The following C2CD5 variants were observed in gnomAD, a reference collection of about 807,000 sequenced individuals.
C2CD5 encodes the protein C2 calcium dependent domain containing 5.
A neutral mutation model predicts 130.3 loss-of-function variants in C2CD5; 109 were observed. That is an observed-to-expected ratio of 0.84 (90% CI 0.72 to 0.98). The LOEUF is 0.98. Ranked by LOEUF, C2CD5 falls within the 50% of genes least tolerant of loss-of-function variation. The pLI is 0.00. For synonymous variants in C2CD5, 454 were observed against 429.2 expected, an observed-to-expected ratio of 1.06 and a Z score of -0.71; for missense variants, 996 against 1,261.8, an observed-to-expected ratio of 0.79 and a Z score of 3.19.
chr12:22,505,857 T>C (rs1948459332), intron 10 of C2CD5, among the ~76,000 whole-genome samples: 1 of 150,264 alleles, frequency 6.7e-6, no homozygotes, highest in Admixed American at 6.7e-5. Context: ...GACCAGATGT[T>C]AGTTTGCTCA....
At chr12:22,481,290 T>C (rs1217558393) in intron 14 of C2CD5, among the ~76,000 whole-genome samples, 2 of 152,126 alleles carry the variant, frequency 1.3e-5, no homozygotes, top group East Asian at 1.9e-4. Flanking sequence ...TACAAATGTA[T>C]AGAGACAAAA....
At chr12:22,500,905 A>G (rs1947692265) in intron 10 of C2CD5, among the ~76,000 whole-genome samples, 1 of 152,202 alleles carries the variant, frequency 6.6e-6, no homozygotes, top group African/African-American at 2.4e-5. Context: ...AGTGTAAATG[A>G]GCAATTCTAG....
chr12:22,494,211 C>T (rs867705948), intron 10 of C2CD5, among the ~76,000 whole-genome samples: 1 of 151,006 alleles, frequency 6.6e-6, no homozygotes, highest in Non-Finnish European at 1.5e-5. Context: ...CTATAATTAG[C>T]ATATCATAAT....
intron 22 of C2CD5, 121 bp from the exon 23 acceptor site, chr12:22,459,663 T>G (rs991295179): frequency 1.9e-6 from 1 of 534,448 alleles, no homozygotes; most frequent in African/African-American, 1.9e-5. Flanking sequence ...ATGGCTTCAT[T>G]GCAAAAGCAA....
chr12:22,462,068 G>A (rs906054030), intron 22 of C2CD5, among the ~76,000 whole-genome samples: 9 of 152,228 alleles, frequency 5.9e-5, no homozygotes, highest in African/African-American at 2.2e-4. Context: ...CTTTTCAAAA[G>A]AGAAGGTACT....
intron 15 of C2CD5, among the ~76,000 whole-genome samples, chr12:22,477,753 G>A (rs1383555307): frequency 6.6e-6 from 1 of 152,002 alleles, no homozygotes; most frequent in African/African-American, 2.4e-5. Flanking sequence ...TTGGTAAAAA[G>A]ACTGATTAAA....
chr12:22,533,733 C>G (rs1014352501), intron 3 of C2CD5, among the ~76,000 whole-genome samples: 1 of 152,180 alleles, frequency 6.6e-6, no homozygotes, highest in Non-Finnish European at 1.5e-5. Context: ...GGGAGGCTCT[C>G]CTTTTGGAGA....
At chr12:22,518,159 A>G (rs1474614957) in intron 7 of C2CD5, 22 bp from the exon 8 acceptor site, 1 of 1,611,606 alleles carries the variant, frequency 6.2e-7, no homozygotes, top group Non-Finnish European at 8.5e-7. Context: ...AGGTGGAGAA[A>G]TATTAAGTAA....
At chr12:22,532,628 G>A (rs975371475) in intron 3 of C2CD5, among the ~76,000 whole-genome samples, 5 of 152,124 alleles carry the variant, frequency 3.3e-5, no homozygotes, top group East Asian at 1.9e-4. Flanking sequence ...GAAAGATCAC[G>A]GTCCTAATAT....
chr12:22,505,860 T>A (rs948896983), intron 10 of C2CD5, among the ~76,000 whole-genome samples: 1 of 150,210 alleles, frequency 6.7e-6, no homozygotes, highest in Admixed American at 6.7e-5. Context: ...CAGATGTTAG[T>A]TTGCTCATCT....
At position 22,538,194 on chromosome 12, in the gene C2CD5, T is replaced by C. The variant is rs1311603320; in HGVS notation, c.91-2850A>G. On this transcript the variant is annotated intron_variant, in intron 2 of 26. Coordinates refer to ENST00000446597, the MANE Select transcript of C2CD5 (RefSeq NM_001286176.2). ...CTTCTTTGTGTAAAAGTCAACTGTT[T>C]AGTCATCTTTTTTTGCATAAGCCAC... 3.3e-5 allele frequency among the ~76,000 whole-genome samples: 5 copies of C among 152,234 alleles called. No homozygotes were observed. The East Asian group carries it at 5.8e-4, about 18-fold the overall frequency.
intron 3 of C2CD5, among the ~76,000 whole-genome samples, chr12:22,532,364 T>C (rs1293236362): frequency 1.3e-5 from 2 of 151,816 alleles, no homozygotes; most frequent in African/African-American, 4.8e-5. Flanking sequence ...TATTATTCTC[T>C]TTTTTTTGAC....
chr12:22,512,669 G>A (rs748589663), intron 9 of C2CD5: 1 of 1,499,032 alleles, frequency 6.7e-7, no homozygotes, highest in Middle Eastern at 1.7e-4. Flanking sequence ...GAACCTATGA[G>A]GCGATCCTCC....
At chr12:22,537,476 C>T (rs1951931662) in intron 2 of C2CD5, among the ~76,000 whole-genome samples, 1 of 152,092 alleles carries the variant, frequency 6.6e-6, no homozygotes, top group Admixed American at 6.5e-5. Flanking sequence ...GATTTCCACT[C>T]TAGTACAGAA....
intron 11 of C2CD5, 135 bp from the exon 12 acceptor site, chr12:22,490,353 C>T (rs1254785401): frequency 2.0e-5 from 10 of 502,530 alleles, no homozygotes; most frequent in East Asian, 6.5e-5. Flanking sequence ...ATAATATTTA[C>T]GAGGTTTACC....
At chr12:22,456,165 C>T (rs1394219342) in intron 25 of C2CD5, among the ~76,000 whole-genome samples, 2 of 152,132 alleles carry the variant, frequency 1.3e-5, no homozygotes, top group Non-Finnish European at 2.9e-5. Flanking sequence ...TATAGAAATA[C>T]TGCTGGTGAA....
At chr12:22,459,679 A>G (rs1940708574) in intron 22 of C2CD5, 137 bp from the exon 23 acceptor site, 1 of 501,588 alleles carries the variant, frequency 2.0e-6, no homozygotes, top group Non-Finnish European at 3.5e-6. Flanking sequence ...AGCAAACCAA[A>G]TAAAAGCATC....
intron 7 of C2CD5, among the ~76,000 whole-genome samples, chr12:22,518,402 T>C (rs1422716230): frequency 4.0e-5 from 6 of 151,810 alleles, no homozygotes; most frequent in African/African-American, 1.2e-4. Flanking sequence ...ATAAAAAATA[T>C]CAAAAGGAGA....
At chr12:22,473,759 T>C (rs1454929373) in intron 16 of C2CD5, among the ~76,000 whole-genome samples, 1 of 152,118 alleles carries the variant, frequency 6.6e-6, no homozygotes, top group Non-Finnish European at 1.5e-5. Context: ...AGAATTTGCA[T>C]TTCTTACAAG....
Sources: allele counts gnomAD v4.1 joint callset (sites outside exome capture counted in the v4.1 genomes callset), GRCh38; gene constraint gnomAD v4.1.1; transcripts MANE v1.5; gene names NCBI Gene and HGNC (gene_info 2026-07-23, HGNC 2026-07-21).